The following CSF2RA variants were observed in gnomAD, a reference collection of about 807,000 sequenced individuals.
The protein encoded by CSF2RA is granulocyte-macrophage colony-stimulating factor receptor subunit alpha.
A neutral mutation model predicts 51.6 loss-of-function variants in CSF2RA; 42 were observed. The ratio of observed to expected loss-of-function variants is 0.81; its 90% CI spans 0.64 to 1.05. The LOEUF (loss-of-function observed/expected upper bound fraction) is 1.05. CSF2RA is among the 50% of genes least tolerant of loss of function. The probability of loss-of-function intolerance (pLI) is 0.00; values close to 1 mark genes in which losing one functional copy is unlikely to be tolerated. For missense variants in CSF2RA, 530 were observed against 501.1 expected (o/e 1.06, Z -0.55); for synonymous variants, 222 against 193.0 (o/e 1.15, Z -1.24).
At chrX:1,315,182 G>A (rs1479939181), downstream of CSF2RA, among the ~76,000 whole-genome samples, 2 of 152,110 alleles carry the variant, frequency 1.3e-5, no homozygotes, top group Non-Finnish European at 2.9e-5. Context: ...AGAAAAGAGA[G>A]GGAGGGGAGA....
At chrX:1,296,243 T>A in intron 9 of CSF2RA, among the ~76,000 whole-genome samples, 1 of 150,022 alleles carries the variant, frequency 6.7e-6, no homozygotes. Context: ...ACTCCCCTAC[T>A]CACAACCCCT....
At chrX:1,321,497 C>T in the CSF2RA span, among the ~76,000 whole-genome samples, 1 of 149,942 alleles carries the variant, frequency 6.7e-6, no homozygotes, top group African/African-American at 2.4e-5. Context: ...AAAATAAAAA[C>T]CCAGGAGGCA....
chrX:1,315,458 C>CA, the CSF2RA span, among the ~76,000 whole-genome samples: 2 of 152,080 alleles, frequency 1.3e-5, no homozygotes, highest in African/African-American at 4.8e-5. Context: ...GGCTGGAGTG[C>CA]AGTGGCGCGA....
At chrX:1,316,001 C>T in the CSF2RA span, among the ~76,000 whole-genome samples, 1 of 147,910 alleles carries the variant, frequency 6.8e-6, no homozygotes. Flanking sequence ...GATGGATAGA[C>T]AGATAGATAG....
chrX:1,272,551 G>C (rs1267096093), intron 1 of CSF2RA, among the ~76,000 whole-genome samples: 32 of 151,172 alleles, frequency 2.1e-4, no homozygotes, highest in African/African-American at 7.5e-4. Context: ...GCAGTGGTGC[G>C]ATCTCAGCTC....
chrX:1,307,078 T>C (rs1213507263), intron 12 of CSF2RA, among the ~76,000 whole-genome samples: 6 of 151,924 alleles, frequency 3.9e-5, no homozygotes. Context: ...TGAGACCCCA[T>C]TGGCGCTCCT....
downstream of CSF2RA, among the ~76,000 whole-genome samples, chrX:1,315,002 CCCACT>C (rs1327574251): frequency 3.5e-4 from 46 of 130,098 alleles, 4 homozygotes; most frequent in African/African-American, 9.3e-4. Flanking sequence ...CCTGCCCAAC[CCCACT>C]GCACCTGCCC....
At chrX:1,324,873 G>A in the CSF2RA span, among the ~76,000 whole-genome samples, 1 of 152,116 alleles carries the variant, frequency 6.6e-6, no homozygotes, top group Admixed American at 6.6e-5. Flanking sequence ...AGAAAGGCAG[G>A]AAAGTCTGAC....
the CSF2RA span, among the ~76,000 whole-genome samples, chrX:1,322,815 T>C: frequency 6.6e-6 from 1 of 152,048 alleles, no homozygotes; most frequent in Admixed American, 6.6e-5. Flanking sequence ...ATAAGGTCTT[T>C]GCAGATGTGA....
the CSF2RA span, among the ~76,000 whole-genome samples, chrX:1,322,439 GTTTTTTTTTTT>G: frequency 8.3e-6 from 1 of 120,690 alleles, no homozygotes; most frequent in Non-Finnish European, 1.6e-5. Context: ...GTGTGTGTTT[GTTTTTTTTTTT>G]TTTTTTTTTG....
Position 1,288,901 on chromosome X carries a change from C to T in CSF2RA, c.473+13C>T. The T allele has an allele frequency of 1.3e-6, 2 of 1,574,592 alleles. No individual in the cohort carries two copies. Among genetic ancestry groups the T allele is most frequent in the Admixed American group, 1.8e-5 (1 of 54,452 alleles). On this transcript the variant is annotated intron_variant, in intron 6 of 12. Transcript: ENST00000381529. ...TACGAAACTCAAAGTAAGTGTTCAC[C>T]TCATGTGAAGAATTATGAGGAATGC...
chrX:1,318,155 A>G, the CSF2RA span, among the ~76,000 whole-genome samples: 1 of 140,764 alleles, frequency 7.1e-6, no homozygotes, highest in Admixed American at 7.2e-5. Context: ...CGCCCGGCTA[A>G]TTTTTTTTTT....
chrX:1,289,343 G>A (rs1195424115), intron 6 of CSF2RA, among the ~76,000 whole-genome samples: 4 of 152,024 alleles, frequency 2.6e-5, no homozygotes, highest in Non-Finnish European at 5.9e-5. Flanking sequence ...GGCCAGGCTG[G>A]TCTCCAACTC....
the CSF2RA span, among the ~76,000 whole-genome samples, chrX:1,315,735 CATAG>C: frequency 4.2e-4 from 63 of 150,852 alleles, no homozygotes; most frequent in Non-Finnish European, 7.8e-4. Context: ...AGATGATAGA[CATAG>C]ATAGATAGAT....
chrX:1,304,876 G>T (rs1207420538), intron 11 of CSF2RA, among the ~76,000 whole-genome samples: 3 of 147,632 alleles, frequency 2.0e-5, no homozygotes, highest in Non-Finnish European at 3.1e-5. Flanking sequence ...CGTTGGCCAG[G>T]CTGGTCTCTA....
chrX:1,312,169 C>T (rs1272096157), downstream of CSF2RA, among the ~76,000 whole-genome samples: 1 of 152,038 alleles, frequency 6.6e-6, no homozygotes, highest in African/African-American at 2.4e-5. Flanking sequence ...GTTGACCTGA[C>T]CACAGGTGAT....
chrX:1,276,196 TG>T (rs1210371612), intron 2 of CSF2RA, among the ~76,000 whole-genome samples: 11 of 149,982 alleles, frequency 7.3e-5, no homozygotes, highest in Non-Finnish European at 1.3e-4. Context: ...TTTGTTTGTT[TG>T]TTTGTTTTTG....
At chrX:1,316,471 C>A in the CSF2RA span, among the ~76,000 whole-genome samples, 20 of 152,268 alleles carry the variant, frequency 1.3e-4, no homozygotes, top group African/African-American at 4.8e-4. Context: ...TACCAGGGGC[C>A]ATTCCAGGAC....
the CSF2RA span, among the ~76,000 whole-genome samples, chrX:1,323,808 A>T: frequency 1.1e-3 from 163 of 151,710 alleles, 1 homozygote; most frequent in Non-Finnish European, 1.6e-4. Context: ...AGGTCAGGAG[A>T]TCGAAACCAT....
Sources: allele counts gnomAD v4.1 joint callset (sites outside exome capture counted in the v4.1 genomes callset), GRCh38; gene constraint gnomAD v4.1.1; transcripts MANE v1.5; gene names NCBI Gene and HGNC (gene_info 2026-07-23, HGNC 2026-07-21).